Variants in PLGRKT observed in about 807,000 individuals in gnomAD.
PLGRKT encodes plasminogen receptor (KT).
PLGRKT carries 22 observed loss-of-function variants against 18.5 expected under a neutral mutation model. The ratio of observed to expected loss-of-function variants is 1.19; its 90% confidence interval spans 0.85 to 1.70. PLGRKT has a LOEUF of 1.70. Among genes scored for constraint, PLGRKT ranks in the 40% most tolerant of loss-of-function variants. PLGRKT has a pLI of 0.00. For synonymous variants in PLGRKT, 72 were observed against 52.8 expected, an observed-to-expected ratio of 1.36 and a Z score of -1.58; for missense variants, 235 against 174.4, an observed-to-expected ratio of 1.35 and a Z score of -1.96.
At chr9:5,406,443 G>C (rs1289875075) in intron 3 of PLGRKT, among the ~76,000 whole-genome samples, 1 of 152,188 alleles carries the variant, frequency 6.6e-6, no homozygotes, top group East Asian at 1.9e-4. Flanking sequence ...AAAGGAACAA[G>C]ATCATGTCCT....
At chr9:5,413,789 T>G (rs1346537318) in intron 3 of PLGRKT, among the ~76,000 whole-genome samples, 2 of 152,240 alleles carry the variant, frequency 1.3e-5, no homozygotes, top group Non-Finnish European at 2.9e-5. Flanking sequence ...AATAGAAAAC[T>G]AATACAGTGT....
chr9:5,431,038 C>T (rs1041831228), intron 3 of PLGRKT, among the ~76,000 whole-genome samples: 3 of 152,236 alleles, frequency 2.0e-5, no homozygotes, highest in African/African-American at 7.2e-5. Flanking sequence ...TATTATCTTA[C>T]AGTTCTAAGT....
chr9:5,371,867 T>C (rs1453666827), intron 3 of PLGRKT, among the ~76,000 whole-genome samples: 1 of 151,634 alleles, frequency 6.6e-6, no homozygotes, highest in Non-Finnish European at 1.5e-5. Flanking sequence ...TTCCCAACAG[T>C]GCACAAAAGA....
chr9:5,373,767 G>C (rs992368943), intron 3 of PLGRKT, among the ~76,000 whole-genome samples: 1 of 151,884 alleles, frequency 6.6e-6, no homozygotes, highest in African/African-American at 2.4e-5. Context: ...ACTAGAGCAA[G>C]GCCCTGTTTC....
At chr9:5,392,435 A>G (rs1817967441) in intron 3 of PLGRKT, 2 of 151,988 alleles carry the variant, frequency 1.3e-5, no homozygotes, top group Non-Finnish European at 2.9e-5. Context: ...CAATTATAAT[A>G]CAGTTATTCA....
chr9:5,399,916 G>C (rs9696407), intron 3 of PLGRKT, among the ~76,000 whole-genome samples: 42,585 of 151,460 alleles, frequency 0.28, 6,781 homozygotes, highest in African/African-American at 0.4. Flanking sequence ...ACTTGAACCT[G>C]AAAGCAGAGG....
At chr9:5,430,644 A>G (rs919739038) in intron 3 of PLGRKT, among the ~76,000 whole-genome samples, 3 of 152,214 alleles carry the variant, frequency 2.0e-5, no homozygotes, top group Admixed American at 1.3e-4. Context: ...CTGAGGCACA[A>G]GTCACACAGT....
At chr9:5,377,202 G>A (rs914497087) in intron 3 of PLGRKT, among the ~76,000 whole-genome samples, 7 of 151,496 alleles carry the variant, frequency 4.6e-5, no homozygotes, top group Non-Finnish European at 8.8e-5. Context: ...ACTGTCAAGT[G>A]CAAAAAGCAT....
chr9:5,368,128 T>G (rs894416135), intron 3 of PLGRKT, among the ~76,000 whole-genome samples: 5 of 152,170 alleles, frequency 3.3e-5, no homozygotes, highest in African/African-American at 1.2e-4. Context: ...CTTACACTGT[T>G]GGTGGGAATG....
At chr9:5,364,977 T>C (rs891417838) in intron 3 of PLGRKT, among the ~76,000 whole-genome samples, 33 of 152,204 alleles carry the variant, frequency 2.2e-4, no homozygotes, top group Non-Finnish European at 4.4e-5. Flanking sequence ...TATGCATGCA[T>C]AGATTAGGCA....
At chr9:5,371,518 C>T (rs186503044) in intron 3 of PLGRKT, among the ~76,000 whole-genome samples, 102 of 152,264 alleles carry the variant, frequency 6.7e-4, no homozygotes, top group Non-Finnish European at 1.2e-3. Context: ...CTCTTGCCAC[C>T]GCCAGGAAAG....
chr9:5,378,504 C>T (rs372471978), intron 3 of PLGRKT, among the ~76,000 whole-genome samples: 2 of 152,088 alleles, frequency 1.3e-5, no homozygotes, highest in Non-Finnish European at 2.9e-5. Context: ...GTAAAAAGAT[C>T]AAAATTAGAC....
intron 3 of PLGRKT, among the ~76,000 whole-genome samples, chr9:5,423,093 G>A (rs1213927318): frequency 6.6e-6 from 1 of 152,132 alleles, no homozygotes; most frequent in Non-Finnish European, 1.5e-5. Context: ...TAGTCTGCTG[G>A]CACTTAGAAA....
chr9:5,434,454 G>T (rs1439852698), intron 2 of PLGRKT, among the ~76,000 whole-genome samples: 1 of 141,292 alleles, frequency 7.1e-6, no homozygotes, highest in Non-Finnish European at 1.5e-5. Flanking sequence ...CCGCCGCCCC[G>T]TCTGGGAGGT....
chr9:5,429,955 C>T (rs1465359279), intron 3 of PLGRKT, among the ~76,000 whole-genome samples: 1 of 152,156 alleles, frequency 6.6e-6, no homozygotes, highest in African/African-American at 2.4e-5. Context: ...AGCTCCCACC[C>T]TCTCCCCCTG....
rs16923090 is a variant in PLGRKT at position 5,373,291 on chromosome 9, C to T, written c.82-11403G>A. On this transcript the variant is annotated intron_variant, in intron 3 of 5. Coordinates refer to ENST00000223864, the MANE Select transcript of PLGRKT (RefSeq NM_018465.4). ...GCGACTACCACTCTCTGAAATTAAG[C>T]CTTCCATGGACCTTGTGACTTCCTC... is the stretch of plus-strand genomic sequence containing the variant. 4.6e-3 allele frequency among the ~76,000 whole-genome samples: 701 copies of T among 152,284 alleles called. 3 individuals carry two copies. Among genetic ancestry groups the T allele is most frequent in the Middle Eastern group, 0.017 (5 of 294 alleles).
intron 3 of PLGRKT, among the ~76,000 whole-genome samples, chr9:5,383,753 G>A (rs1030045465): frequency 6.6e-6 from 1 of 152,166 alleles, no homozygotes; most frequent in Non-Finnish European, 1.5e-5. Context: ...CCTTGATCTG[G>A]CAGGAGGTGG....
At chr9:5,415,838 A>G (rs1477370585) in intron 3 of PLGRKT, among the ~76,000 whole-genome samples, 7 of 152,156 alleles carry the variant, frequency 4.6e-5, no homozygotes, top group Admixed American at 4.6e-4. Flanking sequence ...GGAAAGAAAG[A>G]ATAACTGTCA....
In PLGRKT at chr9:5,361,124, G is replaced by A. The variant is rs747532120; in HGVS notation, c.276C>T (p.Thr92=). The A allele has an allele frequency of 3.6e-5, 58 of 1,609,724 alleles. No individual in the cohort carries two copies. Among genetic ancestry groups the A allele is most frequent in the Non-Finnish European group, 4.7e-5 (55 of 1,176,266 alleles). Residue 92 remains threonine, a synonymous_variant, in exon 5 of 6, where the codon ACC becomes ACT. Coordinates refer to ENST00000223864, the MANE Select transcript of PLGRKT (RefSeq NM_018465.4). ...VPIVPLSFIL[T]YQYDLGYGTL... ...TTCCATAGCCCAAGTCATACTGGTA[G>A]GTGAGGATAAAGCTTAATGGAACAA... is the stretch of plus-strand genomic sequence containing the variant.
Sources: gnomAD v4.1 joint callset for allele counts (sites outside exome capture counted in the v4.1 genomes callset) on GRCh38, gnomAD v4.1.1 for gene constraint, MANE v1.5 for transcripts, NCBI Gene and HGNC (gene_info 2026-07-23, HGNC 2026-07-21) for gene names.